The following SAR1B variants were observed in gnomAD, a reference collection of about 807,000 sequenced individuals.
SAR1B encodes small COPII coat GTPase SAR1B.
A neutral mutation model predicts 26.8 loss-of-function variants in SAR1B; 23 were observed. The ratio of observed to expected loss-of-function variants is 0.86; its 90% CI spans 0.62 to 1.22. The LOEUF (loss-of-function observed/expected upper bound fraction) is 1.22, where lower values mean the gene tolerates loss of function less well. SAR1B is among the 50% of genes most tolerant of loss of function. The pLI is 0.00. For missense variants in SAR1B, 196 were observed against 232.8 expected (o/e 0.84, Z 1.03); for synonymous variants, 65 against 80.8 (o/e 0.80, Z 1.05).
chr5:134,604,913 G>A lies in SAR1B; in HGVS notation c.*2037C>T, dbSNP rs1765103517. Reference sequence around the variant, plus strand: ...TTTTAATAAGGCTTAGTTCTATTTAGTCAGAACTTAAGGAGTACTTTAAAC... The same window carrying A: ...TTTTAATAAGGCTTAGTTCTATTTAATCAGAACTTAAGGAGTACTTTAAAC... On this transcript the variant is annotated 3_prime_UTR_variant, in exon 7 of 7. Transcript: ENST00000402673. 1 of 152,168 alleles carries A rather than the reference G, an allele frequency of 6.6e-6. No individual in the cohort carries two copies. Among genetic ancestry groups the A allele is most frequent in the Non-Finnish European group, 1.5e-5 (1 of 68,020 alleles). The allele number at this position is 152,168 out of a possible 1,614,324, so 9.4% of individuals were successfully genotyped here. A position where few individuals can be genotyped will look rare whatever the true frequency, so the allele number is the denominator to read the frequency against.
Position 134,607,070 on chromosome 5 carries a change from G to A in SAR1B, c.481-4C>T. ...GTTCTTTCAGAGATATACTCCCCTA[G>A]AATAGAAGAGAGACATTTCGTTGGA... On this transcript the variant is annotated splice_region_variant and splice_polypyrimidine_tract_variant and intron_variant, in intron 6 of 6. Transcript: ENST00000402673. 6.5e-7 allele frequency: 1 copy of A among 1,537,600 alleles called. No individual in the cohort carries two copies. Among genetic ancestry groups the A allele is most frequent in the Non-Finnish European group, 9.0e-7 (1 of 1,110,256 alleles).
chr5:134,605,518 A>C lies in SAR1B; in HGVS notation c.*1432T>G, dbSNP rs1300027033. ...GGCAAGCATAATATCTAAAAACAAA[A>C]GTCAGGTCAGGCATGGTAGCTCACG... On this transcript the variant is annotated 3_prime_UTR_variant, in exon 7 of 7. Transcript: ENST00000402673. 2 of 152,244 alleles carry C rather than the reference A, an allele frequency of 1.3e-5. No individual in the cohort carries two copies. The highest frequency in any genetic ancestry group is 2.9e-5 in the Non-Finnish European group (2 of 67,998). 9.4% of individuals were successfully genotyped at this position (152,244 alleles called of 1,614,324 possible). A position where few individuals can be genotyped will look rare whatever the true frequency, so the allele number is the denominator to read the frequency against.
intron 4 of SAR1B, among the ~76,000 whole-genome samples, chr5:134,612,267 T>C (rs1034235166): frequency 3.3e-5 from 5 of 152,178 alleles, no homozygotes; most frequent in African/African-American, 9.7e-5. Flanking sequence ...CTCATTTGAA[T>C]TGGCCAGAAG....
chr5:134,609,764 G>T, intron 4 of SAR1B, 90 bp from the exon 5 acceptor site: 7 of 948,512 alleles, frequency 7.4e-6, no homozygotes, highest in Non-Finnish European at 1.2e-5. Flanking sequence ...ATCAAGTGCG[G>T]TAATCCCTTA....
Position 134,603,866 on chromosome 5 carries a change from A to T in SAR1B, c.*3084T>A, listed in dbSNP as rs1765087228. The stretch of plus-strand genomic sequence containing the variant: ...ATGAGCCGGTTGAAAACTAAGAAAG[A>T]AACAACGTTCTGCTTTTATGCTATA... On this transcript the variant is annotated 3_prime_UTR_variant, in exon 7 of 7. Transcript: ENST00000402673. 1 of 152,216 alleles carries T rather than the reference A, an allele frequency of 6.6e-6. No homozygotes were observed. Among genetic ancestry groups the T allele is most frequent in the South Asian group, 2.1e-4 (1 of 4,832 alleles). The allele number at this position is 152,216 out of a possible 1,614,324, so 9.4% of individuals were successfully genotyped here.
At chr5:134,609,285 T>C (rs140247427) in intron 5 of SAR1B, among the ~76,000 whole-genome samples, 124 of 152,260 alleles carry the variant, frequency 8.1e-4, no homozygotes, top group Admixed American at 1.9e-3. Flanking sequence ...TCCAGGAATA[T>C]AACAGACATG....
rs1202322586 is a variant in SAR1B, at chr5:134,601,311, G to A, written c.*5639C>T. 1.3e-5 allele frequency: 2 copies of A among 152,042 alleles called. No homozygotes were observed. Among genetic ancestry groups the A allele is most frequent in the African/African-American group, 4.8e-5 (2 of 41,396 alleles). The allele number at this position is 152,042 out of a possible 1,614,324, so 9.4% of individuals were successfully genotyped here. On this transcript the variant is annotated 3_prime_UTR_variant, in exon 7 of 7. Transcript: ENST00000402673. ...GTTGTAAAACACACAAAGTTAAACA[G>A]AAACATCTTTATATAAATTATCCTT...
At position 134,601,166 on chromosome 5, in the gene SAR1B, A is replaced by G. The variant is rs1381400590; in HGVS notation, c.*5784T>C. On this transcript the variant is annotated 3_prime_UTR_variant, in exon 7 of 7. Transcript: ENST00000402673. ...CACTAGAGTTCTTCAAGACCAGATTAGTATTTTATTTTTCCCTTCCTAACA... is the reference window on the plus strand; with the variant it reads ...CACTAGAGTTCTTCAAGACCAGATTGGTATTTTATTTTTCCCTTCCTAACA... 6.6e-6 allele frequency: 1 copy of G among 152,244 alleles called. No homozygotes were observed. Among genetic ancestry groups the G allele is most frequent in the Non-Finnish European group, 1.5e-5 (1 of 68,046 alleles). The allele number at this position is 152,244 out of a possible 1,614,324, so 9.4% of individuals were successfully genotyped here.
intron 4 of SAR1B, among the ~76,000 whole-genome samples, chr5:134,612,101 G>A (rs1561784742): frequency 6.6e-6 from 1 of 152,140 alleles, no homozygotes; most frequent in East Asian, 1.9e-4. Flanking sequence ...TGTAAGTAAT[G>A]AGTTAGCCAC....
At chr5:134,623,086 C>A (rs542182830) in intron 2 of SAR1B, among the ~76,000 whole-genome samples, 2 of 145,132 alleles carry the variant, frequency 1.4e-5, no homozygotes, top group Admixed American at 7.2e-5. Flanking sequence ...CGCACCACTG[C>A]GCTCCAACCT....
At position 134,606,544 on chromosome 5, in the gene SAR1B, G is replaced by A. The variant is rs1765130921; in HGVS notation, c.*406C>T. On this transcript the variant is annotated 3_prime_UTR_variant, in exon 7 of 7. Transcript: ENST00000402673. ...AGCTAATTATTAACTGTACACTTAAGATAGGTGGACATATAATCTAAAATT... is the reference window on the plus strand; with the variant it reads ...AGCTAATTATTAACTGTACACTTAAAATAGGTGGACATATAATCTAAAATT... 1 of 223,288 alleles carries A rather than the reference G, an allele frequency of 4.5e-6. No individual in the cohort carries two copies. Among genetic ancestry groups the A allele is most frequent in the South Asian group, 6.4e-5 (1 of 15,664 alleles). The allele number at this position is 223,288 out of a possible 1,614,324, so 13.8% of individuals were successfully genotyped here.
At chr5:134,626,298 C>CAAAAAAAAAAAAAAAAAAAAAAAAAAA in intron 1 of SAR1B, among the ~76,000 whole-genome samples, 1 of 53,114 alleles carries the variant, frequency 1.9e-5, no homozygotes, top group Non-Finnish European at 3.6e-5. Context: ...GACTCTGCCT[C>CAAAAAAAAAAAAAAAAAAAAAAAAAAA]AAAAAAAAAA....
intron 4 of SAR1B, 95 bp downstream of exon 4, chr5:134,612,596 G>A (rs1765232209): frequency 1.7e-6 from 2 of 1,187,026 alleles, no homozygotes. Flanking sequence ...AGTGAGCTGA[G>A]ATTGCACCAC....
At position 134,602,609 on chromosome 5, in the gene SAR1B, T is replaced by TG. The variant is rs1286608118; in HGVS notation, c.*4340dup. On this transcript the variant is annotated 3_prime_UTR_variant, in exon 7 of 7. Coordinates refer to ENST00000402673, the MANE Select transcript of SAR1B (RefSeq NM_016103.4). Reference sequence around the variant, plus strand: ...ACATGTAGTTTTAGGCTGGGCACAGTGGCTCATGTGTATAATCCCAGCACT... The same window carrying TG: ...ACATGTAGTTTTAGGCTGGGCACAGTGGGCTCATGTGTATAATCCCAGCACT... 6.6e-6 allele frequency: 1 copy of TG among 152,184 alleles called. No individual in the cohort carries two copies. The highest frequency in any genetic ancestry group is 1.5e-5 in the Non-Finnish European group (1 of 68,030). The allele number at this position is 152,184 out of a possible 1,614,324, so 9.4% of individuals were successfully genotyped here. A position where few individuals can be genotyped will look rare whatever the true frequency, so the allele number is the denominator to read the frequency against.
At chr5:134,621,480 AAAT>A (rs1765406610) in intron 2 of SAR1B, among the ~76,000 whole-genome samples, 4 of 148 alleles carry the variant, frequency 0.027, no homozygotes, top group African/African-American at 0.039. Context: ...CTCAAAAAAT[AAAT>A]AAATAAATAA....
chr5:134,619,681 G>C (rs886857225), intron 3 of SAR1B, among the ~76,000 whole-genome samples: 1 of 152,046 alleles, frequency 6.6e-6, no homozygotes, highest in African/African-American at 2.4e-5. Context: ...AAAACTTCCT[G>C]TGTGTCAATA....
At chr5:134,630,889 CT>C (rs781218368) in intron 1 of SAR1B, among the ~76,000 whole-genome samples, 559 of 69,164 alleles carry the variant, frequency 8.1e-3, no homozygotes, top group African/African-American at 0.017. Flanking sequence ...CTTTTTTTTT[CT>C]TTTTTTTTTT....
intron 3 of SAR1B, chr5:134,614,182 C>T (rs1211296140): frequency 6.6e-6 from 1 of 152,154 alleles, no homozygotes; most frequent in Non-Finnish European, 1.5e-5. Flanking sequence ...ATTTTCATTT[C>T]AAATACTGTA....
chr5:134,624,651 A>T, intron 1 of SAR1B, among the ~76,000 whole-genome samples: 1 of 141,468 alleles, frequency 7.1e-6, no homozygotes, highest in East Asian at 2.0e-4. Flanking sequence ...TTTTTGAGAC[A>T]GAGTCTTGCT....
Sources: gnomAD v4.1 joint callset for allele counts (sites outside exome capture counted in the v4.1 genomes callset) on GRCh38, gnomAD v4.1.1 for gene constraint, MANE v1.5 for transcripts, NCBI Gene and HGNC (gene_info 2026-07-23, HGNC 2026-07-21) for gene names.